Variants in NFYC observed in about 807,000 individuals in gnomAD.
The protein encoded by NFYC is CAAT box DNA-binding protein subunit C.
A neutral mutation model predicts 53.1 loss-of-function variants in NFYC; 25 were observed. That is an observed-to-expected ratio of 0.47 (90% CI 0.34 to 0.66). The LOEUF is 0.66. NFYC is among the 30% of genes least tolerant of loss of function. The probability of loss-of-function intolerance (pLI) is 0.01; values close to 1 mark genes in which losing one functional copy is unlikely to be tolerated. For missense variants in NFYC, 260 were observed against 422.7 expected, an observed-to-expected ratio of 0.62 and a Z score of 3.38; for synonymous variants, 145 against 152.6, an observed-to-expected ratio of 0.95 and a Z score of 0.37.
intron 1 of NFYC, among the ~76,000 whole-genome samples, chr1:40,709,137 A>C (rs973887134): frequency 3.3e-5 from 5 of 152,226 alleles, no homozygotes; most frequent in African/African-American, 1.2e-4. Flanking sequence ...AGAGTTCCCC[A>C]TAGTTTGAAG....
At chr1:40,754,963 AGCTGCT>A (rs1646133015) in intron 5 of NFYC, among the ~76,000 whole-genome samples, 1 of 152,234 alleles carries the variant, frequency 6.6e-6, no homozygotes, top group South Asian at 2.1e-4. Flanking sequence ...TATTCGGGAC[AGCTGCT>A]GCCTGGCCTT....
At chr1:40,748,180 G>A (rs1213956149) in intron 3 of NFYC, among the ~76,000 whole-genome samples, 3 of 152,050 alleles carry the variant, frequency 2.0e-5, no homozygotes, top group African/African-American at 7.2e-5. Context: ...CACCCAGGCT[G>A]GAGGGCAATG....
chr1:40,722,131 A>G (rs1644351791), intron 1 of NFYC, among the ~76,000 whole-genome samples: 1 of 152,102 alleles, frequency 6.6e-6, no homozygotes, highest in South Asian at 2.1e-4. Context: ...AGATCATGCT[A>G]CTGCATTCCA....
At chr1:40,750,053 G>A (rs1188244688) in intron 4 of NFYC, among the ~76,000 whole-genome samples, 1 of 152,186 alleles carries the variant, frequency 6.6e-6, no homozygotes, top group Non-Finnish European at 1.5e-5. Context: ...CTGGTTGGGA[G>A]CCTTGAGAGA....
chr1:40,749,543 A>T lies in NFYC; in HGVS notation c.178-30A>T, dbSNP rs763891314. 1.4e-5 allele frequency: 22 copies of T among 1,565,674 alleles called. No individual in the cohort carries two copies. In the South Asian group the frequency reaches 2.3e-4, roughly 17 times the overall value. ...GACTGGTTTGCATGACTTGCTGGTG[A>T]TTGACAGGGAGGGCCTGTGTCTGTT... On this transcript the variant is annotated intron_variant, in intron 3 of 9. Transcript: ENST00000447388.
chr1:40,710,627 G>A (rs1200239662), intron 1 of NFYC, among the ~76,000 whole-genome samples: 1 of 152,156 alleles, frequency 6.6e-6, no homozygotes, highest in South Asian at 2.1e-4. Flanking sequence ...GTGTGGAGCC[G>A]TCAGCCAGCA....
intron 1 of NFYC, among the ~76,000 whole-genome samples, chr1:40,732,488 G>A (rs892718982): frequency 1.2e-4 from 18 of 152,186 alleles, no homozygotes; most frequent in Admixed American, 9.8e-4. Flanking sequence ...GAAAACTTCT[G>A]AAGTTTCATT....
chr1:40,693,918 A>G (rs576687793), intron 1 of NFYC, among the ~76,000 whole-genome samples: 3 of 152,372 alleles, frequency 2.0e-5, no homozygotes, highest in African/African-American at 7.2e-5. Flanking sequence ...ACCATAGAGA[A>G]TATGGGTTCT....
chr1:40,766,730 G>A, intron 8 of NFYC, 27 bp downstream of exon 8: 1 of 1,601,686 alleles, frequency 6.2e-7, no homozygotes, highest in Non-Finnish European at 8.6e-7. Context: ...CACAAGGCCT[G>A]TGTTGGAGAC....
At chr1:40,757,337 G>A (rs1646282446) in intron 5 of NFYC, 1 of 534,300 alleles carries the variant, frequency 1.9e-6, no homozygotes, top group South Asian at 1.4e-5. Flanking sequence ...AGCTCAAGGT[G>A]GCTGGGAGAG....
At chr1:40,729,123 C>T (rs1242907040) in intron 1 of NFYC, among the ~76,000 whole-genome samples, 1 of 152,176 alleles carries the variant, frequency 6.6e-6, no homozygotes, top group Non-Finnish European at 1.5e-5. Flanking sequence ...TTGTATAATT[C>T]TTAAGGGCCC....
intron 1 of NFYC, among the ~76,000 whole-genome samples, chr1:40,733,011 C>CT (rs1180772992): frequency 1.3e-5 from 1 of 74,706 alleles, no homozygotes; most frequent in African/African-American, 4.4e-5. Flanking sequence ...AAGATTCGCC[C>CT]CCCCCCCCTT....
At chr1:40,717,320 G>A (rs2148477064) in intron 1 of NFYC, among the ~76,000 whole-genome samples, 1 of 152,252 alleles carries the variant, frequency 6.6e-6, no homozygotes, top group South Asian at 2.1e-4. Flanking sequence ...TTTTCTGAGT[G>A]TGCATTTCCC....
intron 1 of NFYC, among the ~76,000 whole-genome samples, chr1:40,703,239 C>G (rs1313135352): frequency 1.3e-5 from 2 of 151,980 alleles, no homozygotes; most frequent in Non-Finnish European, 2.9e-5. Context: ...CATACAATCC[C>G]AGCATCTTGG....
intron 1 of NFYC, among the ~76,000 whole-genome samples, chr1:40,705,958 C>G (rs1172894540): frequency 6.6e-6 from 1 of 152,186 alleles, no homozygotes; most frequent in Non-Finnish European, 1.5e-5. Flanking sequence ...GTTACCCAGG[C>G]TGGTCTCAAA....
rs1220234850 is a variant in NFYC, at chr1:40,764,222, A to G, written c.720+1176A>G. ...CTGCCCTTTGCCATTTTTGTCATAA[A>G]TGAAACGTAGGCAGGTATAGAAACT... On this transcript the variant is annotated intron_variant, in intron 7 of 9. Transcript: ENST00000447388. 3.9e-5 allele frequency among the ~76,000 whole-genome samples: 6 copies of G among 152,234 alleles called. No homozygotes were observed. The East Asian group carries it at 9.6e-4, about 24-fold the overall frequency.
At chr1:40,704,152 A>G (rs1404475568) in intron 1 of NFYC, among the ~76,000 whole-genome samples, 1 of 151,268 alleles carries the variant, frequency 6.6e-6, no homozygotes, top group South Asian at 2.1e-4. Context: ...GCTCACTGCA[A>G]CCTCCACCTC....
At chr1:40,768,180 G>T (rs1457759537) in intron 8 of NFYC, among the ~76,000 whole-genome samples, 1 of 152,194 alleles carries the variant, frequency 6.6e-6, no homozygotes, top group Non-Finnish European at 1.5e-5. Flanking sequence ...TAAATAAAAT[G>T]TAAAGGTAAA....
At chr1:40,749,100 C>T (rs958340338) in intron 3 of NFYC, among the ~76,000 whole-genome samples, 9 of 152,162 alleles carry the variant, frequency 5.9e-5, no homozygotes, top group African/African-American at 2.2e-4. Context: ...TATATTATCT[C>T]ATTTGATTGC....
Sources: gnomAD v4.1 joint callset for allele counts (sites outside exome capture counted in the v4.1 genomes callset) on GRCh38, gnomAD v4.1.1 for gene constraint, MANE v1.5 for transcripts, NCBI Gene and HGNC (gene_info 2026-07-23, HGNC 2026-07-21) for gene names.